ANHX: variants seen among roughly 807,000 people sequenced by gnomAD.
The protein encoded by ANHX is anomalous homeobox protein.
A neutral mutation model predicts 38.9 loss-of-function variants in ANHX; 20 were observed. The observed-to-expected ratio is 0.51, with a 90% CI of 0.36 to 0.75. ANHX has a LOEUF of 0.75. Among genes scored for constraint, ANHX ranks in the 30% least tolerant of loss-of-function variants. ANHX has a pLI of 0.00. For synonymous variants in ANHX, 185 were observed against 203.1 expected (o/e 0.91, Z 0.76); for missense variants, 475 against 493.1 (o/e 0.96, Z 0.35).
At chr12:133,229,327 T>C (rs562786885) in intron 3 of ANHX, among the ~76,000 whole-genome samples, 2 of 152,330 alleles carry the variant, frequency 1.3e-5, no homozygotes, top group South Asian at 4.1e-4. Context: ...ATTACTTGTC[T>C]GTAGAAGGTG....
At chr12:133,228,067 G>A in intron 3 of ANHX, 120 bp from the exon 4 acceptor site, 1 of 1,109,636 alleles carries the variant, frequency 9.0e-7, no homozygotes, top group Non-Finnish European at 1.3e-6. Flanking sequence ...CCTGGGGGAT[G>A]CCTCTCTCTG....
chr12:133,234,308 G>C lies in ANHX; in HGVS notation c.49C>G (p.Pro17Ala). The change falls in exon 2 of 10, where the codon CCC (proline) becomes GCC (alanine). Residue 17 changes from proline (P) to alanine (A), a missense_variant. Physicochemically the swap from Pro to Ala is conservative, Grantham distance 27. Coordinates refer to ENST00000545940, the MANE Select transcript of ANHX (RefSeq NM_001372060.1). ...GCAAGGGTCACCAGCTCCGCCGGGG[G>C]TGCACAGGTGTCCTCATGCTCCTTC... The part of the protein sequence containing the change: ...LLKEHEDTCA[P>A]PAELVTLAGR... The C allele has an allele frequency of 1.3e-6, 2 of 1,536,140 alleles. No homozygotes were observed. Among genetic ancestry groups the C allele is most frequent in the Non-Finnish European group, 1.7e-6 (2 of 1,146,882 alleles).
intron 3 of ANHX, among the ~76,000 whole-genome samples, chr12:133,231,018 TAACACTGG>T (rs1957265658): frequency 6.6e-6 from 1 of 152,232 alleles, no homozygotes; most frequent in Non-Finnish European, 1.5e-5. Context: ...TAACTCATGC[TAACACTGG>T]CAACATTCTC....
chr12:133,227,938 C>A lies in ANHX; in HGVS notation c.387G>T (p.Pro129=). 2 of 1,470,112 alleles carry A rather than the reference C, an allele frequency of 1.4e-6. No individual in the cohort carries two copies. The highest frequency in any genetic ancestry group is 2.5e-5 in the Admixed American group (1 of 40,328). The allele number at this position is 1,470,112 out of a possible 1,614,324, so 91.1% of individuals were successfully genotyped here. Residue 129 remains proline, a synonymous_variant, in exon 4 of 10, where the codon CCG becomes CCT. Transcript: ENST00000545940. ...GCCCCTCTGGGCAGAGGGAGGGGGG[C>A]GGGGGGTTCCTGGGTAAGGACAGTG... ...QKFRCRKRNP[P]PPSLCPEGLK...
chr12:133,226,255 C>T, intron 6 of ANHX, 63 bp downstream of exon 6: 2 of 1,535,726 alleles, frequency 1.3e-6, no homozygotes, highest in Non-Finnish European at 1.7e-6. Context: ...CCCTAGTCTC[C>T]ACCTGAGGAG....
Position 133,227,072 on chromosome 12 carries a change from G to A in ANHX, c.582C>T (p.Ala194=), listed in dbSNP as rs1423469218. 3.9e-6 allele frequency: 6 copies of A among 1,536,046 alleles called. No individual in the cohort carries two copies. In the East Asian group the frequency reaches 1.2e-4, roughly 31 times the overall value. Residue 194 remains alanine, a synonymous_variant, in exon 5 of 10, where the codon GCC becomes GCT. Transcript: ENST00000545940. ...WFANYRRRQR[A]LPQHMKPAQQ... is the part of the protein sequence containing the mutation. ...GGGCTGGCTTCATGTGCTGGGGAAGGGCTCTTTGGCGGCGCCGGTAATTGG... is the reference window on the plus strand; with the variant it reads ...GGGCTGGCTTCATGTGCTGGGGAAGAGCTCTTTGGCGGCGCCGGTAATTGG...
In ANHX at chr12:133,225,310, T is replaced by TAC. The variant is rs555238401; in HGVS notation, c.1132+224_1132+225dup. ...AACTCTTCCTCTTCAGTGATATGCA[T>TAC]ACATACACACACACACACACACACA... On this transcript the variant is annotated intron_variant, in intron 7 of 9. Transcript: ENST00000545940. Among the ~76,000 whole-genome samples, 754 of 143,892 alleles carry TAC rather than the reference T, an allele frequency of 5.2e-3. 3 individuals are homozygous for TAC. The highest frequency in any genetic ancestry group is 0.013 in the African/African-American group (484 of 35,964). 94.4% of individuals were successfully genotyped at this position (143,892 alleles called of 152,430 possible).
At chr12:133,222,533 C>A (rs184934617) in intron 7 of ANHX, among the ~76,000 whole-genome samples, 152 of 152,284 alleles carry the variant, frequency 1.0e-3, no homozygotes, top group African/African-American at 3.5e-3. Context: ...TCCTCTTGTC[C>A]CAATGTGAAG....
In ANHX at chr12:133,227,074, CT is replaced by C. The variant is rs1163598271; in HGVS notation, c.579del (p.Ala194ProfsTer6). 1 of 1,536,084 alleles carries C rather than the reference CT, an allele frequency of 6.5e-7. No homozygotes were observed. Among genetic ancestry groups the C allele is most frequent in the Non-Finnish European group, 8.7e-7 (1 of 1,146,878 alleles). ...NWFANYRRRQ[R>X]ALPQHMKPAQ... is the part of the protein sequence containing the mutation. ...GCTGGCTTCATGTGCTGGGGAAGGGCTCTTTGGCGGCGCCGGTAATTGGCAA... is the reference window on the plus strand; with the variant it reads ...GCTGGCTTCATGTGCTGGGGAAGGGCCTTTGGCGGCGCCGGTAATTGGCAA... On this transcript the variant is annotated frameshift_variant, in exon 5 of 10. Coordinates refer to ENST00000545940, the MANE Select transcript of ANHX (RefSeq NM_001372060.1). LOFTEE classifies it high-confidence loss of function.
Position 133,221,308 on chromosome 12 carries a change from C to T in ANHX, c.1177G>A (p.Glu393Lys). 6.5e-7 allele frequency: 1 copy of T among 1,536,046 alleles called. No individual in the cohort carries two copies. The highest frequency in any genetic ancestry group is 8.7e-7 in the Non-Finnish European group (1 of 1,146,908). Residue 393 changes from glutamate (E) to lysine (K), a missense_variant, in exon 8 of 10, where the codon GAG becomes AAG. Glu to Lys is a moderately conservative substitution (Grantham distance 56, BLOSUM62 1). Transcript: ENST00000545940. This position sits in a 1 kb window ranked among gnomAD's most constrained non-coding sequence, Gnocchi z 4.1. Reference sequence around the variant, plus strand: ...CCACTGCTTGTGCCCAGACCCTCCTCCAATTGCACGCTCTGGGGATGGCCG... The same window carrying T: ...CCACTGCTTGTGCCCAGACCCTCCTTCAATTGCACGCTCTGGGGATGGCCG... Reference protein sequence around the residue: ...PSGHPQSVQLEEGLGTSSGRT... With the variant: ...PSGHPQSVQLKEGLGTSSGRT...
chr12:133,227,060 G>A lies in ANHX; in HGVS notation c.594C>T (p.His198=). The change falls in exon 5 of 10, where the codon CAC becomes CAT. Residue 198 remains histidine (H), a synonymous_variant. Transcript: ENST00000545940. ...YRRRQRALPQ[H]MKPAQQATAE... Reference sequence around the variant, plus strand: ...CTGTGGCCTGCTGGGCTGGCTTCATGTGCTGGGGAAGGGCTCTTTGGCGGC... The same window carrying A: ...CTGTGGCCTGCTGGGCTGGCTTCATATGCTGGGGAAGGGCTCTTTGGCGGC... 6.5e-7 allele frequency: 1 copy of A among 1,536,098 alleles called. No individual in the cohort carries two copies. Among genetic ancestry groups the A allele is most frequent in the South Asian group, 1.2e-5 (1 of 84,064 alleles).
At chr12:133,226,744 GC>G (rs1334054197) in intron 5 of ANHX, among the ~76,000 whole-genome samples, 191 bp downstream of exon 5, 29 of 152,180 alleles carry the variant, frequency 1.9e-4, no homozygotes, top group Non-Finnish European at 4.0e-4. Flanking sequence ...ATGCATAGGG[GC>G]AGCCACAGCC....
chr12:133,230,734 C>A (rs962267264), intron 3 of ANHX, among the ~76,000 whole-genome samples: 8 of 149,542 alleles, frequency 5.3e-5, no homozygotes, highest in African/African-American at 2.0e-4. Flanking sequence ...GCATGCTAGT[C>A]TGGGCAACAG....
In ANHX at chr12:133,234,340, G is replaced by A. The variant is rs555648876; in HGVS notation, c.17C>T (p.Thr6Ile). 1,273 of 1,535,798 alleles carry A rather than the reference G, an allele frequency of 8.3e-4. 1 individual carries two copies. The highest frequency in any genetic ancestry group is 1.0e-3 in the Non-Finnish European group (1,144 of 1,146,644). MQSFL[T>I]LLKEHEDTCA... ...GGTGTCCTCATGCTCCTTCAGCAGA[G>A]TCAGGAAGCTCTGCATCCTGTGCTG... Residue 6 changes from threonine (T) to isoleucine (I), a missense_variant, in exon 2 of 10, where the codon ACT (threonine) becomes ATT (isoleucine). Thr to Ile is a moderately conservative substitution (Grantham distance 89). Transcript: ENST00000545940.
At chr12:133,229,127 C>T (rs946870534) in intron 3 of ANHX, among the ~76,000 whole-genome samples, 2 of 152,152 alleles carry the variant, frequency 1.3e-5, no homozygotes, top group African/African-American at 2.4e-5. Context: ...AGAGGTCTGT[C>T]CCCTGAACAC....
chr12:133,220,238 G>A (rs1044089346), intron 8 of ANHX, among the ~76,000 whole-genome samples: 2 of 152,108 alleles, frequency 1.3e-5, no homozygotes, highest in African/African-American at 2.4e-5. Context: ...CACTTTTAAC[G>A]AAGGAACTGA....
chr12:133,227,793 C>A, intron 4 of ANHX, 31 bp downstream of exon 4: 1 of 1,534,530 alleles, frequency 6.5e-7, no homozygotes, highest in Non-Finnish European at 8.7e-7. Context: ...AGGCAGGGAC[C>A]CCCTGGGTCC....
At chr12:133,224,655 TC>T (rs1313701690) in intron 7 of ANHX, among the ~76,000 whole-genome samples, 3 of 69,686 alleles carry the variant, frequency 4.3e-5, no homozygotes, top group Non-Finnish European at 7.5e-5. Flanking sequence ...AGACCAAGAC[TC>T]CATCTCAAAA....
intron 8 of ANHX, among the ~76,000 whole-genome samples, chr12:133,220,443 A>G (rs753752540): frequency 4.6e-5 from 7 of 152,106 alleles, no homozygotes; most frequent in African/African-American, 1.7e-4. Context: ...TGTGGTGTAC[A>G]TTTTCTCACA....
Sources: allele counts gnomAD v4.1 joint callset (sites outside exome capture counted in the v4.1 genomes callset), GRCh38; gene constraint gnomAD v4.1.1; non-coding constraint Gnocchi (gnomAD v3.1); transcripts MANE v1.5; gene names NCBI Gene and HGNC (gene_info 2026-07-23, HGNC 2026-07-21).